The following NTN1 variants were observed in gnomAD, a reference collection of about 807,000 sequenced individuals.
The protein encoded by NTN1 is netrin 1, also known as netrin-1.
NTN1 carries 11 observed loss-of-function variants against 54.2 expected under a neutral mutation model. That is an observed-to-expected ratio of 0.20 (90% CI 0.13 to 0.34). The LOEUF (loss-of-function observed/expected upper bound fraction) is 0.34, where lower values mean the gene tolerates loss of function less well. NTN1 is among the 10% of genes least tolerant of loss of function. The probability of loss-of-function intolerance (pLI) is 1.00; values close to 1 mark genes in which losing one functional copy is unlikely to be tolerated. For synonymous variants in NTN1, 371 were observed against 382.0 expected, an observed-to-expected ratio of 0.97 and a Z score of 0.33; for missense variants, 740 against 893.1, an observed-to-expected ratio of 0.83 and a Z score of 2.18.
intron 2 of NTN1, among the ~76,000 whole-genome samples, chr17:9,147,301 C>T (rs1037949771): frequency 2.0e-5 from 3 of 152,122 alleles, no homozygotes; most frequent in Non-Finnish European, 4.4e-5. Flanking sequence ...GTCAGGAGAT[C>T]GAGACCATCC....
the NTN1 span, among the ~76,000 whole-genome samples, chr17:9,004,788 A>G: frequency 1.3e-5 from 2 of 152,202 alleles, no homozygotes; most frequent in Non-Finnish European, 2.9e-5. Flanking sequence ...CCTTTCACCC[A>G]GTGGAATCCT....
chr17:9,012,829 A>G, the NTN1 span, among the ~76,000 whole-genome samples: 2 of 152,230 alleles, frequency 1.3e-5, no homozygotes, highest in Admixed American at 1.3e-4. Context: ...AGATGTGATA[A>G]CTAGAAGTTG....
chr17:9,202,081 A>C (rs1002141570), intron 5 of NTN1, among the ~76,000 whole-genome samples: 1 of 140,842 alleles, frequency 7.1e-6, no homozygotes, highest in Non-Finnish European at 1.5e-5. Context: ...AAAAAAAAAA[A>C]AAAAAAAAAC....
In NTN1 at chr17:9,096,365, A is replaced by AC. The variant is rs200122554; in HGVS notation, c.1019-66447dup. Reference sequence around the variant, plus strand: ...CTGTCTTCCTGGGTTTTATGGGTAGACTTTTTTTTTTTTTTTTTTTTTTGA... The same window carrying AC: ...CTGTCTTCCTGGGTTTTATGGGTAGACCTTTTTTTTTTTTTTTTTTTTTTGA... On this transcript the variant is annotated intron_variant, in intron 2 of 6. Transcript: ENST00000173229. 5.0e-3 allele frequency among the ~76,000 whole-genome samples: 127 copies of AC among 25,562 alleles called. 10 individuals carry two copies. The highest frequency in any genetic ancestry group is 0.01 in the African/African-American group (102 of 10,184). 16.8% of individuals were successfully genotyped at this position (25,562 alleles called of 152,430 possible).
chr17:9,085,787 C>G (rs369048977), intron 2 of NTN1, among the ~76,000 whole-genome samples: 15 of 152,264 alleles, frequency 9.9e-5, no homozygotes, highest in African/African-American at 3.6e-4. Context: ...GTTTTGAGCA[C>G]CTGCTATGTG....
rs1249898842 is a variant in NTN1, at chr17:9,219,065, G to A, written c.1412-2103G>A. Among the ~76,000 whole-genome samples, 8 of 152,292 alleles carry A rather than the reference G, an allele frequency of 5.3e-5. No individual in the cohort carries two copies. Among genetic ancestry groups the A allele is most frequent in the Non-Finnish European group, 7.4e-5 (5 of 68,022 alleles). On this transcript the variant is annotated intron_variant, in intron 5 of 6. Coordinates refer to ENST00000173229, the MANE Select transcript of NTN1 (RefSeq NM_004822.3). This position sits in a 1 kb window ranked among gnomAD's most constrained non-coding sequence, Gnocchi z 4.5. ...CTCACGCAGAATCGCCAGGACTTAC[G>A]CACAACCTGGGTTCAGCCCCAGCAG... is the stretch of plus-strand genomic sequence containing the variant.
intron 6 of NTN1, among the ~76,000 whole-genome samples, chr17:9,234,251 C>T (rs533342005): frequency 3.1e-4 from 47 of 152,322 alleles, no homozygotes; most frequent in African/African-American, 1.1e-3. Context: ...AATGAAAGAC[C>T]TTCCTGTGAA....
intron 2 of NTN1, among the ~76,000 whole-genome samples, chr17:9,096,475 A>G (rs1322727505): frequency 6.9e-6 from 1 of 144,352 alleles, no homozygotes; most frequent in African/African-American, 2.6e-5. Flanking sequence ...GGTTCACGCC[A>G]TTCTCCTGCC....
chr17:9,149,714 T>A (rs1241306491), intron 2 of NTN1, among the ~76,000 whole-genome samples: 1 of 152,132 alleles, frequency 6.6e-6, no homozygotes, highest in Non-Finnish European at 1.5e-5. Context: ...TGCTGATAGA[T>A]CTGGAGCTTG....
At position 9,221,263 on chromosome 17, in the gene NTN1, C is replaced by T. The variant is rs747493721; in HGVS notation, c.1486+21C>T. On this transcript the variant is annotated intron_variant, in intron 6 of 6. Coordinates refer to ENST00000173229, the MANE Select transcript of NTN1 (RefSeq NM_004822.3). The surrounding 1 kb of genome is among the most constrained non-coding windows in gnomAD (Gnocchi z 4.5). ...CTATGGTGAGTGAGAGTCCCCTTGT[C>T]TGGGGAGGATGGGAGGGGGCCACGT... 1 of 1,595,042 alleles carries T rather than the reference C, an allele frequency of 6.3e-7. No homozygotes were observed. Among genetic ancestry groups the T allele is most frequent in the Admixed American group, 1.7e-5 (1 of 59,942 alleles).
At position 9,087,283 on chromosome 17, in the gene NTN1, A is replaced by C. The variant is rs150561245; in HGVS notation, c.1018+63892A>C. ...TCTGGGGAGAGGGAGATGCAGGCAC[A>C]GGGCCACAGAGAGACAGAGAGCTGG... is the stretch of plus-strand genomic sequence containing the variant. On this transcript the variant is annotated intron_variant, in intron 2 of 6. Transcript: ENST00000173229. 5.3e-3 allele frequency among the ~76,000 whole-genome samples: 808 copies of C among 152,234 alleles called. 7 individuals carry two copies. Among genetic ancestry groups the C allele is most frequent in the African/African-American group, 0.018 (744 of 41,546 alleles).
intron 5 of NTN1, among the ~76,000 whole-genome samples, chr17:9,220,569 C>T (rs1463915400): frequency 6.6e-6 from 1 of 152,162 alleles, no homozygotes; most frequent in East Asian, 1.9e-4. Context: ...ACCCAGTGGA[C>T]GCAGGCCTAG....
At chr17:9,101,044 C>T (rs1368669856) in intron 2 of NTN1, among the ~76,000 whole-genome samples, 3 of 152,126 alleles carry the variant, frequency 2.0e-5, no homozygotes, top group South Asian at 2.1e-4. Flanking sequence ...CTGTATCACC[C>T]GACATTTTCT....
intron 2 of NTN1, among the ~76,000 whole-genome samples, chr17:9,050,237 A>G (rs2091955830): frequency 6.6e-6 from 1 of 151,158 alleles, no homozygotes; most frequent in African/African-American, 2.4e-5. Flanking sequence ...ACAGAGTGAG[A>G]CTCTGTCTCA....
chr17:9,188,693 A>AT (rs1333562884), intron 5 of NTN1, among the ~76,000 whole-genome samples: 2 of 152,092 alleles, frequency 1.3e-5, no homozygotes, highest in African/African-American at 4.8e-5. Context: ...CTGTGGGTGT[A>AT]TGGCTTCGAG....
intron 2 of NTN1, among the ~76,000 whole-genome samples, chr17:9,142,118 C>T (rs1200442093): frequency 6.6e-6 from 1 of 151,218 alleles, no homozygotes; most frequent in Non-Finnish European, 1.5e-5. Context: ...CAGAGCGAGA[C>T]TCCATCTCAA....
At chr17:9,181,282 G>T (rs3826470) in intron 4 of NTN1, among the ~76,000 whole-genome samples, 54,459 of 151,912 alleles carry the variant, frequency 0.36, 10,180 homozygotes, top group Middle Eastern at 0.49. Context: ...CCCAGACAGT[G>T]CCTGGGGGAC....
chr17:9,151,969 C>T (rs971838983), intron 2 of NTN1, among the ~76,000 whole-genome samples: 8 of 152,092 alleles, frequency 5.3e-5, no homozygotes, highest in Admixed American at 1.3e-4. Context: ...AGTAGCCAAT[C>T]GCGGGGAGGA....
chr17:9,180,256 C>T (rs570340723), intron 4 of NTN1, among the ~76,000 whole-genome samples: 1 of 152,358 alleles, frequency 6.6e-6, no homozygotes, highest in African/African-American at 2.4e-5. Context: ...CCAGGCTGGT[C>T]TTGAACTCCT....
Sources: gnomAD v4.1 joint callset for allele counts (sites outside exome capture counted in the v4.1 genomes callset) on GRCh38, gnomAD v4.1.1 for gene constraint, Gnocchi (gnomAD v3.1) non-coding constraint, MANE v1.5 for transcripts, NCBI Gene and HGNC (gene_info 2026-07-23, HGNC 2026-07-21) for gene names.